The following MMP26 variants were observed in gnomAD, a reference collection of about 807,000 sequenced individuals.
The protein encoded by MMP26 is matrix metallopeptidase 26.
In MMP26, 33 loss-of-function variants were observed where a neutral mutation model predicts 31.0. The ratio of observed to expected loss-of-function variants is 1.06; its 90% CI spans 0.81 to 1.42. MMP26 has a LOEUF of 1.42. Among genes scored for constraint, MMP26 ranks in the 40% most tolerant of loss-of-function variants. The pLI is 0.00. For synonymous variants in MMP26, 122 were observed against 114.9 expected, an observed-to-expected ratio of 1.06 and a Z score of -0.40; for missense variants, 347 against 316.1, an observed-to-expected ratio of 1.10 and a Z score of -0.74.
At chr11:4,740,695 A>G (rs929748637) in intron 1 of MMP26, among the ~76,000 whole-genome samples, 1 of 123,760 alleles carries the variant, frequency 8.1e-6, no homozygotes, top group Non-Finnish European at 1.9e-5. Flanking sequence ...AAAAAAAAAA[A>G]AAAGAAACTA....
Position 4,704,858 on chromosome 11 carries a change from T to C in MMP26, c.-404T>C, listed in dbSNP as rs1847754466. On this transcript the variant is annotated 5_prime_UTR_variant, in exon 1 of 8. Coordinates refer to ENST00000380390, the MANE Select transcript of MMP26 (RefSeq NM_021801.5). ...GGACCTCTTTGTCCAGGGGCAGGGC[T>C]GATCAGGGGCTGATTCCGCAGCTAT... 1 of 152,222 alleles carries C rather than the reference T, an allele frequency of 6.6e-6. No individual in the cohort carries two copies. Among genetic ancestry groups the C allele is most frequent in the Admixed American group, 6.5e-5 (1 of 15,278 alleles). 9.4% of individuals were successfully genotyped at this position (152,222 alleles called of 1,614,324 possible).
chr11:4,751,245 C>A (rs2133300903), intron 1 of MMP26, among the ~76,000 whole-genome samples: 1 of 152,120 alleles, frequency 6.6e-6, no homozygotes, highest in Admixed American at 6.6e-5. Flanking sequence ...TATTACAGAG[C>A]CTTCAAATAA....
intron 2 of MMP26, among the ~76,000 whole-genome samples, chr11:4,872,922 C>T (rs1048266698): frequency 4.6e-5 from 7 of 152,022 alleles, no homozygotes; most frequent in South Asian, 2.1e-4. Flanking sequence ...GCTGGACATA[C>T]GGACCCACCT....
chr11:4,823,754 A>G (rs1221243728), intron 2 of MMP26, among the ~76,000 whole-genome samples: 1 of 152,200 alleles, frequency 6.6e-6, no homozygotes, highest in Non-Finnish European at 1.5e-5. Flanking sequence ...AGATAGCATA[A>G]CAACGTAAGA....
chr11:4,714,527 G>A (rs1402771395), intron 1 of MMP26, among the ~76,000 whole-genome samples: 1 of 152,014 alleles, frequency 6.6e-6, no homozygotes, highest in Non-Finnish European at 1.5e-5. Flanking sequence ...CCACACACTG[G>A]TCAGCATATT....
At chr11:4,729,934 G>A (rs541507079) in intron 1 of MMP26, among the ~76,000 whole-genome samples, 18 of 145,072 alleles carry the variant, frequency 1.2e-4, no homozygotes, top group African/African-American at 3.6e-4. Flanking sequence ...AGGTAGTGAG[G>A]AAAGGGAAAA....
At chr11:4,759,065 C>G (rs544482274) in intron 1 of MMP26, among the ~76,000 whole-genome samples, 1 of 128,430 alleles carries the variant, frequency 7.8e-6, no homozygotes, top group East Asian at 2.5e-4. Context: ...GAGCCGAGAT[C>G]ATGCCACTGC....
At chr11:4,813,112 C>T (rs1209534252) in intron 2 of MMP26, among the ~76,000 whole-genome samples, 1 of 151,868 alleles carries the variant, frequency 6.6e-6, no homozygotes, top group Non-Finnish European at 1.5e-5. Context: ...TCAAGAGATT[C>T]TCCTGCCTCA....
chr11:4,806,053 A>T (rs919899), intron 2 of MMP26, among the ~76,000 whole-genome samples: 55,656 of 151,940 alleles, frequency 0.37, 11,225 homozygotes, highest in African/African-American at 0.51. Context: ...AAAAAAAAAA[A>T]TCCTGAAAAG....
At chr11:4,799,368 AG>A (rs35220086) in intron 2 of MMP26, among the ~76,000 whole-genome samples, 1,734 of 151,580 alleles carry the variant, frequency 0.011, 25 homozygotes, top group African/African-American at 0.039. Context: ...AGGAGAGAGA[AG>A]GGGGGGGTCT....
chr11:4,840,026 T>C lies in MMP26; in HGVS notation c.-145+72685T>C, dbSNP rs191521643. On this transcript the variant is annotated intron_variant, in intron 2 of 7. Coordinates refer to ENST00000380390, the MANE Select transcript of MMP26 (RefSeq NM_021801.5). ...CCCTTGGGCCTTACAGGAACATCTG[T>C]GGTTTTCTGGCAGTACTCCTCATGG... Among the ~76,000 whole-genome samples the C allele has an allele frequency of 3.4e-3, 520 of 152,164 alleles. 4 individuals carry two copies. The highest frequency in any genetic ancestry group is 9.9e-3 in the African/African-American group (413 of 41,534).
chr11:4,904,462 C>T (rs1185149427), intron 2 of MMP26, among the ~76,000 whole-genome samples: 3 of 152,096 alleles, frequency 2.0e-5, no homozygotes, highest in Non-Finnish European at 4.4e-5. Flanking sequence ...ATTCTACCTC[C>T]ATATATTCCA....
rs1846965672 is a variant in MMP26 at position 4,989,719 on chromosome 11, C to A, written c.171C>A (p.Leu57=). The A allele has an allele frequency of 1.9e-6, 3 of 1,613,966 alleles. No individual in the cohort carries two copies. Among genetic ancestry groups the A allele is most frequent in the Non-Finnish European group, 2.5e-6 (3 of 1,180,020 alleles). ...TTACCCAGGAGACACAAACACAGCT[C>A]CTGCAACAATTCCATCGGAATGGGA... ...PLLTQETQTQ[L]LQQFHRNGTD... is the part of the protein sequence containing the mutation. Residue 57 remains leucine, a synonymous_variant, in exon 4 of 8, where the codon CTC becomes CTA. Coordinates refer to ENST00000380390, the MANE Select transcript of MMP26 (RefSeq NM_021801.5).
intron 1 of MMP26, among the ~76,000 whole-genome samples, chr11:4,733,918 AC>A (rs1345721426): frequency 2.0e-5 from 3 of 152,114 alleles, no homozygotes; most frequent in Non-Finnish European, 4.4e-5. Flanking sequence ...CTTCTTCTAC[AC>A]CTTTGAGATG....
At chr11:4,908,013 T>C in intron 2 of MMP26, 1 of 1,614,222 alleles carries the variant, frequency 6.2e-7, no homozygotes, top group Non-Finnish European at 8.5e-7. Flanking sequence ...CTGATTGTTT[T>C]GTCTTATGTG....
At chr11:4,739,506 C>T (rs951257799) in intron 1 of MMP26, among the ~76,000 whole-genome samples, 2 of 152,158 alleles carry the variant, frequency 1.3e-5, no homozygotes, top group Admixed American at 6.5e-5. Context: ...GCAATTTTCT[C>T]TAGACCTAGG....
At chr11:4,936,536 A>T (rs1022833055) in intron 2 of MMP26, among the ~76,000 whole-genome samples, 1 of 152,140 alleles carries the variant, frequency 6.6e-6, no homozygotes, top group African/African-American at 2.4e-5. Context: ...CATAGTGAAA[A>T]TGCAGTCTTA....
intron 2 of MMP26, among the ~76,000 whole-genome samples, chr11:4,925,621 T>TG (rs892810857): frequency 4.6e-5 from 7 of 151,858 alleles, no homozygotes; most frequent in Non-Finnish European, 2.9e-5. Context: ...AAAGGAAAGA[T>TG]GGGGGGTCAG....
chr11:4,812,112 G>A (rs1849357862), intron 2 of MMP26, among the ~76,000 whole-genome samples: 1 of 152,134 alleles, frequency 6.6e-6, no homozygotes, highest in African/African-American at 2.4e-5. Context: ...TACAAAGGCA[G>A]GGCAGAAAGG....
Sources: gnomAD v4.1 joint callset for allele counts (sites outside exome capture counted in the v4.1 genomes callset) on GRCh38, gnomAD v4.1.1 for gene constraint, MANE v1.5 for transcripts, NCBI Gene and HGNC (gene_info 2026-07-23, HGNC 2026-07-21) for gene names.